Variants in VTI1A observed in about 807,000 individuals in gnomAD.
The protein encoded by VTI1A is vesicle transport through interaction with t-SNAREs homolog 1A.
In VTI1A, 22 loss-of-function variants were observed where a neutral mutation model predicts 34.9. The observed-to-expected ratio is 0.63, with a 90% confidence interval of 0.45 to 0.90. VTI1A has a LOEUF of 0.90. VTI1A is among the 40% of genes least tolerant of loss of function. The probability of loss-of-function intolerance (pLI) is 0.00; values close to 1 mark genes in which losing one functional copy is unlikely to be tolerated. For synonymous variants in VTI1A, 87 were observed against 97.3 expected, an observed-to-expected ratio of 0.89 and a Z score of 0.62; for missense variants, 268 against 275.6, an observed-to-expected ratio of 0.97 and a Z score of 0.20.
intron 5 of VTI1A, among the ~76,000 whole-genome samples, chr10:112,663,161 A>G (rs1186695457): frequency 6.6e-6 from 1 of 152,116 alleles, no homozygotes; most frequent in Admixed American, 6.5e-5. Flanking sequence ...AGACCAAGCA[A>G]TTTGTTTTTG....
the VTI1A span, among the ~76,000 whole-genome samples, chr10:112,851,316 A>C: frequency 6.6e-6 from 1 of 152,200 alleles, no homozygotes; most frequent in Non-Finnish European, 1.5e-5. Context: ...CTGTTGAGTA[A>C]ACATAGCCTC....
chr10:112,835,634 A>G, the VTI1A span, among the ~76,000 whole-genome samples: 2 of 152,190 alleles, frequency 1.3e-5, no homozygotes, highest in East Asian at 3.8e-4. Flanking sequence ...TGTTTTTTTC[A>G]TGTTTAAGGT....
At chr10:112,586,608 T>C (rs542246912) in intron 5 of VTI1A, among the ~76,000 whole-genome samples, 2 of 152,280 alleles carry the variant, frequency 1.3e-5, no homozygotes, top group South Asian at 2.1e-4. Context: ...CAGTCTTCCT[T>C]ATCTCTTTTT....
chr10:112,787,890 C>T (rs1267137569), intron 7 of VTI1A, among the ~76,000 whole-genome samples: 9 of 150,882 alleles, frequency 6.0e-5, no homozygotes, highest in Admixed American at 5.3e-4. Context: ...TTAGTAGAGA[C>T]GGGGTTTCAC....
At chr10:112,798,382 C>T (rs543095326) in intron 7 of VTI1A, among the ~76,000 whole-genome samples, 1 of 152,242 alleles carries the variant, frequency 6.6e-6, no homozygotes, top group Non-Finnish European at 1.5e-5. Flanking sequence ...TAGGGGCCAT[C>T]GTGTTGTCTA....
intron 2 of VTI1A, 48 bp downstream of exon 2, chr10:112,460,630 A>G: frequency 1.4e-6 from 2 of 1,464,824 alleles, no homozygotes; most frequent in African/African-American, 1.4e-5. Flanking sequence ...GAGCCGTTTA[A>G]GCTAATGTCT....
the VTI1A span, among the ~76,000 whole-genome samples, chr10:112,854,191 C>T: frequency 1.4e-4 from 21 of 152,282 alleles, no homozygotes; most frequent in East Asian, 2.7e-3. Context: ...GGAAACACAC[C>T]GGCTATTCCA....
At chr10:112,822,329 C>T (rs566626105), downstream of VTI1A, among the ~76,000 whole-genome samples, 5 of 152,328 alleles carry the variant, frequency 3.3e-5, no homozygotes, top group South Asian at 1.0e-3. Context: ...TGAGAATGGG[C>T]TCTGCAAAGG....
intron 5 of VTI1A, among the ~76,000 whole-genome samples, chr10:112,599,383 C>T (rs1037596652): frequency 7.2e-5 from 11 of 152,130 alleles, no homozygotes; most frequent in Non-Finnish European, 1.0e-4. Context: ...AAAATGGAAC[C>T]AGGGCTTAAG....
Position 112,781,612 on chromosome 10 carries a change from G to A in VTI1A, c.561-33678G>A, listed in dbSNP as rs185604052. On this transcript the variant is annotated intron_variant, in intron 7 of 7. Transcript: ENST00000393077. ...TCCCAGCACTTTGGGAGGCTGAGGC[G>A]GGTGGATCACTTGAGGTCAGGAGTT... Among the ~76,000 whole-genome samples, 88 of 152,020 alleles carry A rather than the reference G, an allele frequency of 5.8e-4. 1 individual carries two copies. The highest frequency in any genetic ancestry group is 5.4e-3 in the Admixed American group (82 of 15,272).
At chr10:112,612,147 G>A (rs1486867587) in intron 5 of VTI1A, among the ~76,000 whole-genome samples, 1 of 151,924 alleles carries the variant, frequency 6.6e-6, no homozygotes, top group Non-Finnish European at 1.5e-5. Flanking sequence ...TGAAAACTGA[G>A]GTATCAGGAT....
rs149758821 is a variant in VTI1A at position 112,797,324 on chromosome 10, C to T, written c.561-17966C>T. Among the ~76,000 whole-genome samples the T allele has an allele frequency of 5.3e-4, 81 of 152,278 alleles. No homozygotes were observed. The East Asian group carries it at 0.015, about 29-fold the overall frequency. ...ATGCTTTAGATTGTTCGAGGAAGGG[C>T]CGTGACCGTGGCAACATCCCGGCTA... On this transcript the variant is annotated intron_variant, in intron 7 of 7. Coordinates refer to ENST00000393077, the MANE Select transcript of VTI1A (RefSeq NM_145206.4).
chr10:112,540,419 C>T (rs1564819011), intron 5 of VTI1A, among the ~76,000 whole-genome samples: 1 of 152,130 alleles, frequency 6.6e-6, no homozygotes, highest in Non-Finnish European at 1.5e-5. Flanking sequence ...GTTGACTTGT[C>T]ACATAAGGCT....
In VTI1A at chr10:112,818,341, G is replaced by C. The variant is rs980509771; in HGVS notation, c.*2958G>C. On this transcript the variant is annotated 3_prime_UTR_variant, in exon 8 of 8. Transcript: ENST00000393077. Reference sequence around the variant, plus strand: ...AACCTCATCAGATAATGACCTCAGTGATTGGGTTTTCATTACCAAACAGCA... The same window carrying C: ...AACCTCATCAGATAATGACCTCAGTCATTGGGTTTTCATTACCAAACAGCA... The C allele has an allele frequency of 9.0e-5, 21 of 232,610 alleles. No homozygotes were observed. Among genetic ancestry groups the C allele is most frequent in the Non-Finnish European group, 1.6e-4 (19 of 117,618 alleles). 14.4% of individuals were successfully genotyped at this position (232,610 alleles called of 1,614,324 possible).
At chr10:112,590,565 C>G (rs915520428) in intron 5 of VTI1A, among the ~76,000 whole-genome samples, 7 of 151,856 alleles carry the variant, frequency 4.6e-5, no homozygotes, top group Admixed American at 2.0e-4. Flanking sequence ...GCCTATAATC[C>G]CAGCTACTCA....
chr10:112,602,111 G>C (rs923589453), intron 5 of VTI1A, among the ~76,000 whole-genome samples: 6 of 152,156 alleles, frequency 3.9e-5, no homozygotes, highest in Non-Finnish European at 7.3e-5. Flanking sequence ...ACTTTTTAAT[G>C]TGAGCATTTC....
At chr10:112,811,996 A>C (rs1279618333) in intron 7 of VTI1A, among the ~76,000 whole-genome samples, 1 of 152,266 alleles carries the variant, frequency 6.6e-6, no homozygotes, top group African/African-American at 2.4e-5. Flanking sequence ...GTTCAGCCTC[A>C]AAGTAAATGG....
chr10:112,472,564 T>C (rs958892921), intron 3 of VTI1A, among the ~76,000 whole-genome samples: 1 of 151,512 alleles, frequency 6.6e-6, no homozygotes, highest in African/African-American at 2.4e-5. Context: ...CGAGATAGAC[T>C]AAAGAAGTTC....
the VTI1A span, among the ~76,000 whole-genome samples, chr10:112,852,847 C>T: frequency 6.6e-6 from 1 of 152,130 alleles, no homozygotes; most frequent in Non-Finnish European, 1.5e-5. Flanking sequence ...GGCACAATCT[C>T]AGCTCACTGC....
Sources: allele counts gnomAD v4.1 joint callset (sites outside exome capture counted in the v4.1 genomes callset), GRCh38; gene constraint gnomAD v4.1.1; transcripts MANE v1.5; gene names NCBI Gene and HGNC (gene_info 2026-07-23, HGNC 2026-07-21).